The following COG6 variants were observed in gnomAD, a reference collection of about 807,000 sequenced individuals.
COG6 encodes component of oligomeric golgi complex 6, also known as conserved oligomeric Golgi complex subunit 6.
COG6 carries 74 observed loss-of-function variants against 88.8 expected under a neutral mutation model. The ratio of observed to expected loss-of-function variants is 0.83; its 90% CI spans 0.69 to 1.01. The LOEUF (loss-of-function observed/expected upper bound fraction) is 1.01. COG6 is among the 50% of genes least tolerant of loss of function. The pLI, the probability that COG6 is intolerant of heterozygous loss-of-function variation, is 0.00. For synonymous variants in COG6, 286 were observed against 278.7 expected (o/e 1.03, Z -0.26); for missense variants, 800 against 797.9 (o/e 1.00, Z -0.03).
intron 1 of COG6, among the ~76,000 whole-genome samples, chr13:39,658,286 G>GGCACAT (rs1358864696): frequency 1.3e-5 from 2 of 151,870 alleles, no homozygotes; most frequent in African/African-American, 4.8e-5. Context: ...TGGGTCTACA[G>GGCACAT]GCACATGCCA....
chr13:39,771,675 C>G (rs942101010), intron 18 of COG6, among the ~76,000 whole-genome samples: 6 of 152,240 alleles, frequency 3.9e-5, no homozygotes, highest in Admixed American at 2.0e-4. Context: ...GTCTACCCAC[C>G]TCACCAAATT....
chr13:39,757,077 A>G (rs575371722), downstream of COG6, among the ~76,000 whole-genome samples: 66 of 152,364 alleles, frequency 4.3e-4, no homozygotes, highest in African/African-American at 1.6e-3. Flanking sequence ...AAGATAGACC[A>G]TATGTTAGGC....
chr13:39,752,673 A>G, downstream of COG6: 3 of 1,192,610 alleles, frequency 2.5e-6, no homozygotes, highest in South Asian at 3.2e-5. Context: ...TATATATCCT[A>G]TTGATGTGTT....
At chr13:39,703,865 T>C (rs934764567) in intron 13 of COG6, among the ~76,000 whole-genome samples, 1 of 152,022 alleles carries the variant, frequency 6.6e-6, no homozygotes, top group African/African-American at 2.4e-5. Context: ...TAGCTGGGAC[T>C]ATAGGTGCAT....
rs374915399 is a variant in COG6 at position 39,659,499 on chromosome 13, G to A, written c.289G>A (p.Val97Met). Residue 97 changes from valine to methionine, a missense_variant, in exon 2 of 19, where the codon GTG (valine) becomes ATG (methionine). Coordinates refer to ENST00000455146, the MANE Select transcript of COG6 (RefSeq NM_020751.3). The stretch of plus-strand genomic sequence containing the variant: ...AGAATTTGTAAGCATTTTCAAGGAA[G>A]TGAAGGAGGTATGTAAACTCTTTTC... ...NEEFVSIFKEVKEELESISED... is the reference protein window; with the variant it reads ...NEEFVSIFKEMKEELESISED... 3.2e-5 allele frequency: 52 copies of A among 1,612,782 alleles called. No homozygotes were observed. Among genetic ancestry groups the A allele is most frequent in the Non-Finnish European group, 4.1e-5 (48 of 1,179,376 alleles).
intron 12 of COG6, among the ~76,000 whole-genome samples, chr13:39,696,950 A>G (rs780909863): frequency 1.4e-5 from 2 of 147,354 alleles, no homozygotes; most frequent in Non-Finnish European, 3.0e-5. Flanking sequence ...AGCCAATAGG[A>G]CATGTATACA....
Position 39,687,795 on chromosome 13 carries a change from A to G in COG6, c.1005A>G (p.Thr335=), listed in dbSNP as rs759081505. 1.2e-6 allele frequency: 2 copies of G among 1,610,276 alleles called. No individual in the cohort carries two copies. Among genetic ancestry groups the G allele is most frequent in the Middle Eastern group, 1.7e-4 (1 of 5,948 alleles). The part of the protein sequence containing the change: ...HLEALLKHVT[T]QGVEENIQEV... ...AAGCTCTCTTAAAGCATGTAACTAC[A>G]CAAGGTGGGTCCACCAATTGTATTG... Residue 335 remains threonine (T), a synonymous_variant, in exon 10 of 19, where the codon ACA becomes ACG. Coordinates refer to ENST00000455146, the MANE Select transcript of COG6 (RefSeq NM_020751.3).
intron 18 of COG6, among the ~76,000 whole-genome samples, chr13:39,742,820 C>T (rs1489577111): frequency 3.9e-5 from 6 of 152,166 alleles, no homozygotes; most frequent in Non-Finnish European, 7.3e-5. Context: ...AGCACCACAT[C>T]GCACTTATTC....
rs750312659 is a variant in COG6 at position 39,723,358 on chromosome 13, T to C, written c.1610T>C (p.Ile537Thr). 5 of 1,610,212 alleles carry C rather than the reference T, an allele frequency of 3.1e-6. No individual in the cohort carries two copies. Among genetic ancestry groups the C allele is most frequent in the Non-Finnish European group, 4.2e-6 (5 of 1,176,740 alleles). Reference protein sequence around the residue: ...FQIEAHLDTLINEQASYVLTR... With the variant: ...FQIEAHLDTLTNEQASYVLTR... ...ATCGAAGCACATTTGGACACACTTA[T>C]AAATGAGCAAGCCTCTTATGTTTTA... The change falls in exon 16 of 19, where the codon ATA becomes ACA. Residue 537 changes from isoleucine to threonine, a missense_variant. Physicochemically the swap from Ile to Thr is moderately conservative, Grantham distance 89. Coordinates refer to ENST00000455146, the MANE Select transcript of COG6 (RefSeq NM_020751.3).
At chr13:39,658,406 C>G (rs1303735585) in intron 1 of COG6, among the ~76,000 whole-genome samples, 3 of 152,008 alleles carry the variant, frequency 2.0e-5, no homozygotes, top group Non-Finnish European at 4.4e-5. Flanking sequence ...ACCTCCCAAA[C>G]TGCTGGGATT....
At chr13:39,711,058 A>G (rs2138058843) in intron 13 of COG6, among the ~76,000 whole-genome samples, 1 of 152,060 alleles carries the variant, frequency 6.6e-6, no homozygotes, top group African/African-American at 2.4e-5. Context: ...TTTTTGAGAA[A>G]CAAATGGTAA....
In COG6 at chr13:39,660,870, A is replaced by G. The variant is rs139313781; in HGVS notation, c.358A>G (p.Ser120Gly). Residue 120 changes from serine to glycine, a missense_variant, in exon 3 of 19, where the codon AGT (serine) becomes GGT (glycine). By Grantham distance (56) the Ser-to-Gly change is moderately conservative (BLOSUM62 0). Transcript: ENST00000455146. ...AMSNCCQDMT[S>G]RLQAAKEQTQ... is the part of the protein sequence containing the mutation. ...GAGCAACTGTTGTCAAGATATGACAAGTCGCCTACAGGTATTATATAATGG... is the reference window on the plus strand; with the variant it reads ...GAGCAACTGTTGTCAAGATATGACAGGTCGCCTACAGGTATTATATAATGG... 761 of 1,594,792 alleles carry G rather than the reference A, an allele frequency of 4.8e-4. 2 individuals are homozygous for G. In the African/African-American group the frequency reaches 9.3e-3, roughly 19 times the overall value.
chr13:39,690,567 T>G (rs1876926685), intron 11 of COG6, among the ~76,000 whole-genome samples: 1 of 152,020 alleles, frequency 6.6e-6, no homozygotes, highest in African/African-American at 2.4e-5. Context: ...CCAACTTCAT[T>G]GATTGACTTT....
intron 1 of COG6, 62 bp downstream of exon 1, chr13:39,655,941 G>A (rs1311366902): frequency 6.4e-7 from 1 of 1,556,948 alleles, no homozygotes; most frequent in Non-Finnish European, 8.7e-7. Flanking sequence ...GGCCAGGGGC[G>A]GCGTCTGTCA....
Position 39,724,499 on chromosome 13 carries a change from T to C in COG6, c.1693-9T>C. On this transcript the variant is annotated splice_polypyrimidine_tract_variant and intron_variant, in intron 16 of 18. Transcript: ENST00000455146. ...TTGGATCTGCTTTTTTTTTTTTTTTTTTAAATAGGGCTCTTTAGCTAATAT... is the reference window on the plus strand; with the variant it reads ...TTGGATCTGCTTTTTTTTTTTTTTTCTTAAATAGGGCTCTTTAGCTAATAT... The C allele has an allele frequency of 6.8e-7, 1 of 1,466,290 alleles. No individual in the cohort carries two copies. The highest frequency in any genetic ancestry group is 9.2e-7 in the Non-Finnish European group (1 of 1,083,968). 90.8% of individuals were successfully genotyped at this position (1,466,290 alleles called of 1,614,324 possible). A position where few individuals can be genotyped will look rare whatever the true frequency, so the allele number is the denominator to read the frequency against.
intron 13 of COG6, among the ~76,000 whole-genome samples, chr13:39,700,815 C>T (rs540338588): frequency 1.1e-3 from 163 of 151,886 alleles, no homozygotes; most frequent in African/African-American, 3.8e-3. Flanking sequence ...ATTTAGCAAA[C>T]TTATCTGTAC....
intron 8 of COG6, 28 bp downstream of exon 8, chr13:39,682,292 G>T (rs978409293): frequency 1.5e-6 from 2 of 1,354,634 alleles, no homozygotes; most frequent in East Asian, 2.3e-5. Flanking sequence ...AATTAAAAAT[G>T]AAAGCCTACT....
At chr13:39,764,023 A>G (rs1031033019) in intron 18 of COG6, among the ~76,000 whole-genome samples, 1 of 151,856 alleles carries the variant, frequency 6.6e-6, no homozygotes, top group African/African-American at 2.4e-5. Context: ...AGTAGAGCCA[A>G]CTAAACCTGG....
chr13:39,723,239 C>T, intron 15 of COG6, 94 bp from the exon 16 acceptor site: 1 of 759,344 alleles, frequency 1.3e-6, no homozygotes, highest in Non-Finnish European at 2.4e-6. Context: ...GAGGTGATCC[C>T]TGTGCCTCAT....
Sources: gnomAD v4.1 joint callset for allele counts (sites outside exome capture counted in the v4.1 genomes callset) on GRCh38, gnomAD v4.1.1 for gene constraint, MANE v1.5 for transcripts, NCBI Gene and HGNC (gene_info 2026-07-23, HGNC 2026-07-21) for gene names.